Variants in DLGAP2 observed in about 807,000 individuals in gnomAD.
DLGAP2 encodes the protein disks large-associated protein 2.
In DLGAP2, 26 loss-of-function variants were observed where a neutral mutation model predicts 100.3. The ratio of observed to expected loss-of-function variants is 0.26; its 90% CI spans 0.19 to 0.36. The LOEUF is 0.36. DLGAP2 is among the 10% of genes least tolerant of loss of function. DLGAP2 has a pLI of 1.00. For missense variants in DLGAP2, 1,858 were observed against 1,453.2 expected (o/e 1.28, Z -4.53); for synonymous variants, 886 against 630.1 (o/e 1.41, Z -6.08).
intron 2 of DLGAP2, among the ~76,000 whole-genome samples, chr8:1,097,711 C>G (rs1305756636): frequency 7.4e-6 from 1 of 135,968 alleles, no homozygotes; most frequent in African/African-American, 2.9e-5. Context: ...GTGTGAGACC[C>G]AGCTCCCTCT....
At chr8:1,471,903 G>A (rs370163816) in intron 3 of DLGAP2, among the ~76,000 whole-genome samples, 21 of 152,314 alleles carry the variant, frequency 1.4e-4, no homozygotes, top group Admixed American at 4.6e-4. Flanking sequence ...CCTGCGGTCC[G>A]TAAACGGTTG....
intron 3 of DLGAP2, among the ~76,000 whole-genome samples, chr8:1,463,112 G>A (rs775575699): frequency 2.6e-5 from 4 of 152,150 alleles, no homozygotes; most frequent in Non-Finnish European, 4.4e-5. Context: ...AGCCTGGCGT[G>A]GTGGTGTGTG....
At chr8:1,549,769 C>T in intron 5 of DLGAP2, 86 bp downstream of exon 5, 1 of 1,336,000 alleles carries the variant, frequency 7.5e-7, no homozygotes, top group Non-Finnish European at 1.0e-6. Context: ...CAGATAACAA[C>T]TGCATACACA....
chr8:876,448 A>G (rs1017781523), intron 1 of DLGAP2, among the ~76,000 whole-genome samples: 1 of 152,188 alleles, frequency 6.6e-6, no homozygotes, highest in Non-Finnish European at 1.5e-5. Context: ...TACTTTCAGT[A>G]TGTTATACCA....
At chr8:1,135,965 C>A (rs1416993118) in intron 2 of DLGAP2, among the ~76,000 whole-genome samples, 1 of 152,330 alleles carries the variant, frequency 6.6e-6, no homozygotes, top group Non-Finnish European at 1.5e-5. Context: ...CTCTTGGCCA[C>A]AGAGCACAGA....
At chr8:1,279,959 C>G (rs934735333) in intron 3 of DLGAP2, among the ~76,000 whole-genome samples, 1 of 152,172 alleles carries the variant, frequency 6.6e-6, no homozygotes, top group South Asian at 2.1e-4. Context: ...CAGGAGGTGC[C>G]TATGTTGTGT....
At chr8:1,337,353 G>A (rs955500498) in intron 3 of DLGAP2, among the ~76,000 whole-genome samples, 1 of 11,520 alleles carries the variant, frequency 8.7e-5, no homozygotes, top group African/African-American at 2.4e-4. Context: ...TGAGGATGAT[G>A]GGGGTGAGGA....
intron 8 of DLGAP2, among the ~76,000 whole-genome samples, chr8:1,647,558 C>T (rs1442960715): frequency 2.2e-5 from 3 of 133,358 alleles, no homozygotes; most frequent in Non-Finnish European, 3.2e-5. Context: ...CTTTCACTAA[C>T]TTGAATTTAC....
At chr8:1,228,082 G>T (rs758350215) in intron 2 of DLGAP2, among the ~76,000 whole-genome samples, 1 of 151,978 alleles carries the variant, frequency 6.6e-6, no homozygotes, top group South Asian at 2.1e-4. Flanking sequence ...CTGTTGTGGG[G>T]TGGGGGAATG....
At chr8:1,358,170 G>T (rs941219511) in intron 3 of DLGAP2, among the ~76,000 whole-genome samples, 1 of 152,190 alleles carries the variant, frequency 6.6e-6, no homozygotes, top group East Asian at 1.9e-4. Flanking sequence ...AAGTAGCTTT[G>T]TAGGTGAAAA....
At chr8:1,274,724 T>TTTTTTTTTTTTTG (rs1189680616) in intron 3 of DLGAP2, among the ~76,000 whole-genome samples, 1 of 136,994 alleles carries the variant, frequency 7.3e-6, no homozygotes, top group African/African-American at 2.6e-5. Context: ...TTTTTTTTTT[T>TTTTTTTTTTTTTG]GCCGTAATTG....
intron 1 of DLGAP2, among the ~76,000 whole-genome samples, chr8:782,625 A>G (rs769013417): frequency 7.2e-5 from 11 of 152,254 alleles, no homozygotes; most frequent in Non-Finnish European, 1.5e-4. Context: ...CAATGTGAAG[A>G]GACCTGAAGG....
At chr8:1,133,552 A>G (rs766737240) in intron 2 of DLGAP2, among the ~76,000 whole-genome samples, 40 of 152,186 alleles carry the variant, frequency 2.6e-4, no homozygotes, top group Non-Finnish European at 5.3e-4. Flanking sequence ...GACTATTTTG[A>G]CCAAATTATA....
intron 8 of DLGAP2, among the ~76,000 whole-genome samples, chr8:1,641,934 T>TC (rs1484146056): frequency 9.2e-5 from 11 of 119,712 alleles, no homozygotes; most frequent in African/African-American, 2.9e-4. Flanking sequence ...TGTGTCACCC[T>TC]CGACCCCGCC....
intron 3 of DLGAP2, among the ~76,000 whole-genome samples, chr8:1,279,699 G>A (rs751025675): frequency 2.0e-5 from 3 of 152,288 alleles, no homozygotes; most frequent in Non-Finnish European, 2.9e-5. Context: ...TTCCAAGCTC[G>A]CCCAGCCAGC....
intron 3 of DLGAP2, among the ~76,000 whole-genome samples, chr8:1,441,543 C>A (rs1797832354): frequency 6.6e-6 from 1 of 151,926 alleles, no homozygotes; most frequent in South Asian, 2.1e-4. Context: ...CAAAAATTAG[C>A]CAGGCGTGTT....
At chr8:907,172 C>G (rs899738940) in intron 1 of DLGAP2, among the ~76,000 whole-genome samples, 1 of 152,182 alleles carries the variant, frequency 6.6e-6, no homozygotes, top group Non-Finnish European at 1.5e-5. Context: ...CTTGTAGATG[C>G]TGTCTTCATG....
chr8:754,043 C>T lies in DLGAP2; in HGVS notation c.18+16218C>T, dbSNP rs549424971. The T allele has an allele frequency of 1.8e-4, 27 of 152,352 alleles. No homozygotes were observed. In the South Asian group the frequency reaches 5.0e-3, roughly 28 times the overall value. 9.4% of individuals were successfully genotyped at this position (152,352 alleles called of 1,614,324 possible). On this transcript the variant is annotated intron_variant, in intron 1 of 14. Coordinates refer to ENST00000637795, the MANE Select transcript of DLGAP2 (RefSeq NM_001346810.2). ...CCCTCTTTCTGAGGGTGGGAAGCTT[C>T]GGTTGCCTGGCAGATCTGAGTGAGG...
intron 2 of DLGAP2, among the ~76,000 whole-genome samples, chr8:1,224,977 C>T (rs1798385558): frequency 6.6e-6 from 1 of 152,214 alleles, no homozygotes; most frequent in Admixed American, 6.5e-5. Context: ...AACTGAAATC[C>T]TCATATGTTG....
Sources: gnomAD v4.1 joint callset for allele counts (sites outside exome capture counted in the v4.1 genomes callset) on GRCh38, gnomAD v4.1.1 for gene constraint, MANE v1.5 for transcripts, NCBI Gene and HGNC (gene_info 2026-07-23, HGNC 2026-07-21) for gene names.